Variants in RAB27B observed in about 807,000 individuals in gnomAD.
RAB27B encodes RAB27B, member RAS oncogene family, also known as ras-related protein Rab-27B.
In RAB27B, 15 loss-of-function variants were observed where a neutral mutation model predicts 24.6. The ratio of observed to expected loss-of-function variants is 0.61; its 90% CI spans 0.41 to 0.94. RAB27B has a LOEUF of 0.94. Ranked by LOEUF, RAB27B falls within the 40% of genes least tolerant of loss-of-function variation. The pLI, the probability that RAB27B is intolerant of heterozygous loss-of-function variation, is 0.00. For synonymous variants in RAB27B, 105 were observed against 92.5 expected (o/e 1.14, Z -0.78); for missense variants, 261 against 266.8 (o/e 0.98, Z 0.15).
chr18:54,836,607 T>C (rs1469158236), intron 1 of RAB27B, among the ~76,000 whole-genome samples: 2 of 152,000 alleles, frequency 1.3e-5, no homozygotes, highest in Admixed American at 6.6e-5. Context: ...ATATTAACTA[T>C]ATGTTTAAAG....
At chr18:54,813,026 T>G (rs1055297998) in intron 2 of RAB27B, among the ~76,000 whole-genome samples, 1 of 152,310 alleles carries the variant, frequency 6.6e-6, no homozygotes, top group East Asian at 1.9e-4. Flanking sequence ...AAACAAAATG[T>G]CATGGCATAG....
At chr18:54,746,903 T>C (rs966867579) in intron 2 of RAB27B, among the ~76,000 whole-genome samples, 1 of 152,202 alleles carries the variant, frequency 6.6e-6, no homozygotes, top group African/African-American at 2.4e-5. Context: ...TACTAACTTA[T>C]ATAACACAAA....
intron 2 of RAB27B, among the ~76,000 whole-genome samples, chr18:54,780,343 C>T (rs1463640253): frequency 2.7e-5 from 4 of 145,736 alleles, no homozygotes; most frequent in Non-Finnish European, 6.0e-5. Flanking sequence ...CGTGTCTCCC[C>T]TCTCCTGATG....
At position 54,843,758 on chromosome 18, in the gene RAB27B, C is replaced by A. The variant is rs115783570; in HGVS notation, c.-20+15058C>A. On this transcript the variant is annotated intron_variant, in intron 1 of 5. Transcript: ENST00000262094. ...TAATAACATGAGGATTATTTCTATTCTTCTAAAATGGAAAATGTTAATATA... is the reference window on the plus strand; with the variant it reads ...TAATAACATGAGGATTATTTCTATTATTCTAAAATGGAAAATGTTAATATA... Among the ~76,000 whole-genome samples, 628 of 152,280 alleles carry A rather than the reference C, an allele frequency of 4.1e-3. 2 individuals carry two copies. Among genetic ancestry groups the A allele is most frequent in the African/African-American group, 0.015 (611 of 41,552 alleles).
intron 1 of RAB27B, among the ~76,000 whole-genome samples, chr18:54,848,849 A>G (rs1034376554): frequency 1.3e-5 from 2 of 152,198 alleles, no homozygotes; most frequent in East Asian, 1.9e-4. Context: ...GCTTTTAGAC[A>G]TAATCTTTGA....
chr18:54,733,445 T>C (rs745737695), intron 2 of RAB27B, among the ~76,000 whole-genome samples: 1 of 152,212 alleles, frequency 6.6e-6, no homozygotes. Flanking sequence ...GAGTTTGCTC[T>C]GCCAGTGTAG....
rs1365452699 is a variant in RAB27B, at chr18:54,890,842, A to AT, written c.*1434dup. On this transcript the variant is annotated 3_prime_UTR_variant, in exon 6 of 6. Transcript: ENST00000262094. ...CTTTCTAAAAAATAGTAACAAAATT[A>AT]TTTTTCATTGGCCTATTCTGTTCTT... 6.6e-6 allele frequency: 1 copy of AT among 151,916 alleles called. No homozygotes were observed. The highest frequency in any genetic ancestry group is 2.4e-5 in the African/African-American group (1 of 41,354). The allele number at this position is 151,916 out of a possible 1,614,324, so 9.4% of individuals were successfully genotyped here.
chr18:54,772,351 C>A (rs1268018820), intron 2 of RAB27B, among the ~76,000 whole-genome samples: 1 of 152,214 alleles, frequency 6.6e-6, no homozygotes. Context: ...AAGTGGCACA[C>A]TTTATTCATC....
At chr18:54,865,098 TTATATATGATTAAATA>T (rs1242645131) in intron 1 of RAB27B, among the ~76,000 whole-genome samples, 2 of 152,162 alleles carry the variant, frequency 1.3e-5, no homozygotes, top group Non-Finnish European at 2.9e-5. Context: ...TAAATATGTG[TTATATATGATTAAATA>T]TATATATGAT....
chr18:54,870,824 A>G (rs1912434086), intron 1 of RAB27B, among the ~76,000 whole-genome samples: 1 of 152,192 alleles, frequency 6.6e-6, no homozygotes, highest in Non-Finnish European at 1.5e-5. Flanking sequence ...TTATGAAAAA[A>G]CATTATGATG....
chr18:54,866,120 G>A (rs1348448220), intron 1 of RAB27B, among the ~76,000 whole-genome samples: 1 of 152,136 alleles, frequency 6.6e-6, no homozygotes. Context: ...ATCACTATGA[G>A]TGTGTTTTGA....
intron 2 of RAB27B, among the ~76,000 whole-genome samples, chr18:54,771,640 T>C (rs1484660616): frequency 6.9e-6 from 1 of 144,404 alleles, no homozygotes; most frequent in East Asian, 2.0e-4. Flanking sequence ...GTGTGTGTGA[T>C]GGCTCTAAAA....
intron 2 of RAB27B, among the ~76,000 whole-genome samples, chr18:54,761,438 A>G (rs371325228): frequency 1.3e-5 from 2 of 152,322 alleles, no homozygotes; most frequent in South Asian, 2.1e-4. Flanking sequence ...ACTTTGCTCT[A>G]TTTGAATTGC....
chr18:54,728,505 T>C (rs906342308), intron 2 of RAB27B, among the ~76,000 whole-genome samples: 3 of 152,132 alleles, frequency 2.0e-5, no homozygotes, highest in Non-Finnish European at 4.4e-5. Flanking sequence ...AAGTGAAAAC[T>C]AAACAAATTC....
intron 2 of RAB27B, among the ~76,000 whole-genome samples, chr18:54,816,164 TC>T (rs770037265): frequency 9.2e-5 from 14 of 152,340 alleles, no homozygotes; most frequent in Non-Finnish European, 1.6e-4. Context: ...AGTTGGTTGT[TC>T]CTTGTCATGG....
chr18:54,835,263 G>A (rs951881673), intron 1 of RAB27B, among the ~76,000 whole-genome samples: 2 of 151,820 alleles, frequency 1.3e-5, no homozygotes, highest in Non-Finnish European at 2.9e-5. Context: ...ATTGACTCAG[G>A]TGCCTCCTTG....
chr18:54,732,769 T>G (rs1016092489), intron 2 of RAB27B, among the ~76,000 whole-genome samples: 3 of 152,198 alleles, frequency 2.0e-5, no homozygotes, highest in African/African-American at 7.2e-5. Flanking sequence ...GTATTGAGGT[T>G]TTCTGTTCCA....
chr18:54,806,435 C>T (rs1230535080), intron 2 of RAB27B, among the ~76,000 whole-genome samples: 1 of 147,412 alleles, frequency 6.8e-6, no homozygotes, highest in East Asian at 2.0e-4. Flanking sequence ...CAAATGAATA[C>T]ATATATATAA....
intron 2 of RAB27B, among the ~76,000 whole-genome samples, chr18:54,798,642 CAT>C (rs536009111): frequency 2.0e-5 from 3 of 152,202 alleles, no homozygotes; most frequent in African/African-American, 4.8e-5. Flanking sequence ...ATAGGAAAAA[CAT>C]AGACAGTAGT....
Sources: allele counts gnomAD v4.1 joint callset (sites outside exome capture counted in the v4.1 genomes callset), GRCh38; gene constraint gnomAD v4.1.1; transcripts MANE v1.5; gene names NCBI Gene and HGNC (gene_info 2026-07-23, HGNC 2026-07-21).